The following PTPRN2 variants were observed in gnomAD, a reference collection of about 807,000 sequenced individuals.
PTPRN2 encodes the protein protein tyrosine phosphatase receptor type N2.
Under a neutral mutation model 118.8 loss-of-function variants are expected in PTPRN2, and 74 were observed. The ratio of observed to expected loss-of-function variants is 0.62; its 90% CI spans 0.52 to 0.76. The LOEUF (loss-of-function observed/expected upper bound fraction) is 0.76, where lower values mean the gene tolerates loss of function less well. Among genes scored for constraint, PTPRN2 ranks in the 30% least tolerant of loss-of-function variants. The pLI is 0.00. For synonymous variants in PTPRN2, 641 were observed against 608.0 expected (o/e 1.05, Z -0.80); for missense variants, 1,481 against 1,394.4 (o/e 1.06, Z -0.99).
At chr7:158,261,842 G>A (rs551794900) in intron 3 of PTPRN2, among the ~76,000 whole-genome samples, 24 of 152,306 alleles carry the variant, frequency 1.6e-4, no homozygotes, top group East Asian at 1.2e-3. Flanking sequence ...GTTGCATTTC[G>A]AATATTCTGA....
intron 1 of PTPRN2, among the ~76,000 whole-genome samples, chr7:158,571,800 CA>C (rs762591189): frequency 8.6e-5 from 13 of 151,980 alleles, no homozygotes; most frequent in Non-Finnish European, 1.8e-4. Flanking sequence ...CATTTCTTGG[CA>C]AAAATTAGGA....
chr7:158,142,675 A>ATG (rs1029849187), intron 6 of PTPRN2, among the ~76,000 whole-genome samples: 3 of 152,146 alleles, frequency 2.0e-5, no homozygotes, highest in African/African-American at 7.2e-5. Context: ...GCATTCACTG[A>ATG]TGGAATGCTA....
intron 12 of PTPRN2, among the ~76,000 whole-genome samples, chr7:157,751,643 G>A (rs930755569): frequency 3.9e-5 from 6 of 151,996 alleles, no homozygotes; most frequent in South Asian, 2.1e-4. Context: ...TCCCTCAAAT[G>A]ACTGTTTAAT....
chr7:158,128,243 C>A (rs1264848250), intron 9 of PTPRN2, among the ~76,000 whole-genome samples: 1 of 152,208 alleles, frequency 6.6e-6, no homozygotes, highest in African/African-American at 2.4e-5. Context: ...GATAATAGGG[C>A]AAAAACCTCA....
At chr7:157,928,986 A>G (rs1799195180) in intron 11 of PTPRN2, among the ~76,000 whole-genome samples, 1 of 152,162 alleles carries the variant, frequency 6.6e-6, no homozygotes, top group South Asian at 2.1e-4. Flanking sequence ...CCCCACGTCC[A>G]GAACGTCAGG....
chr7:157,962,871 C>T (rs1801644623), intron 11 of PTPRN2, among the ~76,000 whole-genome samples: 1 of 152,208 alleles, frequency 6.6e-6, no homozygotes, highest in South Asian at 2.1e-4. Context: ...TTCTTGGTTC[C>T]ATTCCCCACT....
intron 2 of PTPRN2, among the ~76,000 whole-genome samples, chr7:158,377,761 C>T (rs1044381352): frequency 6.6e-6 from 1 of 152,220 alleles, no homozygotes; most frequent in Non-Finnish European, 1.5e-5. Flanking sequence ...CTTTCTTACA[C>T]CCATTCCAGG....
intron 12 of PTPRN2, among the ~76,000 whole-genome samples, chr7:157,774,170 C>T (rs1270175557): frequency 1.3e-5 from 2 of 152,192 alleles, no homozygotes; most frequent in African/African-American, 4.8e-5. Flanking sequence ...ACAGGATCCA[C>T]AATGTCTATA....
chr7:158,050,484 G>A (rs1809241782), intron 11 of PTPRN2, among the ~76,000 whole-genome samples: 1 of 152,186 alleles, frequency 6.6e-6, no homozygotes, highest in Non-Finnish European at 1.5e-5. Flanking sequence ...TCCTCCTGCT[G>A]TTCTTAGAAG....
At chr7:158,110,314 C>T (rs752581931) in intron 10 of PTPRN2, among the ~76,000 whole-genome samples, 10 of 152,374 alleles carry the variant, frequency 6.6e-5, no homozygotes, top group Non-Finnish European at 1.0e-4. Flanking sequence ...TGTACTCACC[C>T]ACCAGCCCTG....
At chr7:158,069,932 AC>A (rs1307611481) in intron 11 of PTPRN2, among the ~76,000 whole-genome samples, 1 of 152,258 alleles carries the variant, frequency 6.6e-6, no homozygotes, top group Non-Finnish European at 1.5e-5. Context: ...CAGAGAAGGC[AC>A]CCTGAGGTTT....
In PTPRN2 at chr7:158,145,884, C is replaced by A. The variant is rs574462195; in HGVS notation, c.911-7369G>T. Among the ~76,000 whole-genome samples, 15 of 152,334 alleles carry A rather than the reference C, an allele frequency of 9.8e-5. No homozygotes were observed. The East Asian group carries it at 2.9e-3, about 29-fold the overall frequency. On this transcript the variant is annotated intron_variant, in intron 6 of 22. Coordinates refer to ENST00000389418, the MANE Select transcript of PTPRN2 (RefSeq NM_002847.5). ...GACCATGCTCCCGGAGTCTTGGCCC[C>A]AGCGCTCATGGTCTGTGGTTTGGGG...
At chr7:158,221,126 C>G (rs377514198) in intron 3 of PTPRN2, among the ~76,000 whole-genome samples, 12 of 152,202 alleles carry the variant, frequency 7.9e-5, no homozygotes, top group African/African-American at 2.4e-4. Context: ...AAAGGACTCC[C>G]TATTCAATAA....
chr7:158,555,114 A>C lies in PTPRN2; in HGVS notation c.112+32444T>G, dbSNP rs891713529. The stretch of plus-strand genomic sequence containing the variant: ...CACATTACAAAGAGCGTCACAGTGG[A>C]ATGAGAGGAAAGCCTGTGAGAACAA... On this transcript the variant is annotated intron_variant, in intron 1 of 22. Transcript: ENST00000389418. This position sits in a 1 kb window ranked among gnomAD's most constrained non-coding sequence, Gnocchi z 4.7. 3.3e-5 allele frequency among the ~76,000 whole-genome samples: 5 copies of C among 152,162 alleles called. No individual in the cohort carries two copies. Among genetic ancestry groups the C allele is most frequent in the African/African-American group, 1.2e-4 (5 of 41,410 alleles).
At chr7:157,700,786 A>G (rs924714432) in intron 12 of PTPRN2, among the ~76,000 whole-genome samples, 4 of 151,710 alleles carry the variant, frequency 2.6e-5, no homozygotes, top group Admixed American at 6.6e-5. Context: ...CCTTCCCCAC[A>G]CCAGGAGCCC....
intron 11 of PTPRN2, among the ~76,000 whole-genome samples, chr7:157,952,812 T>C (rs1800918721): frequency 6.6e-6 from 1 of 152,084 alleles, no homozygotes; most frequent in Non-Finnish European, 1.5e-5. Context: ...GACCACCGAA[T>C]GCTCTGAACA....
At chr7:158,186,209 G>C (rs148760848) in intron 5 of PTPRN2, among the ~76,000 whole-genome samples, 1 of 152,112 alleles carries the variant, frequency 6.6e-6, no homozygotes, top group Non-Finnish European at 1.5e-5. Context: ...ATTCCAATGC[G>C]CATGAAAGAA....
chr7:158,573,946 A>C (rs1344371658), intron 1 of PTPRN2, among the ~76,000 whole-genome samples: 1 of 152,200 alleles, frequency 6.6e-6, no homozygotes, highest in Non-Finnish European at 1.5e-5. Flanking sequence ...ACTATACGTA[A>C]TCCAGAGATT....
intron 14 of PTPRN2, among the ~76,000 whole-genome samples, chr7:157,624,662 G>C (rs1405206017): frequency 2.0e-5 from 3 of 152,192 alleles, no homozygotes; most frequent in Admixed American, 2.0e-4. Flanking sequence ...AATGCGTGTT[G>C]CTTCTGCACT....
Sources: gnomAD v4.1 joint callset for allele counts (sites outside exome capture counted in the v4.1 genomes callset) on GRCh38, gnomAD v4.1.1 for gene constraint, Gnocchi (gnomAD v3.1) non-coding constraint, MANE v1.5 for transcripts, NCBI Gene and HGNC (gene_info 2026-07-23, HGNC 2026-07-21) for gene names.